Variants in MALRD1 observed in about 807,000 individuals in gnomAD.
MALRD1 encodes the protein MAM and LDL-receptor class A domain-containing protein 1.
In MALRD1, 247 loss-of-function variants were observed where a neutral mutation model predicts 242.1. That is an observed-to-expected ratio of 1.02 (90% CI 0.92 to 1.13). MALRD1 has a LOEUF of 1.13. Among genes scored for constraint, MALRD1 ranks in the 50% most tolerant of loss-of-function variants. MALRD1 has a pLI of 0.00. For synonymous variants in MALRD1, 995 were observed against 866.6 expected (o/e 1.15, Z -2.60); for missense variants, 2,989 against 2,533.1 (o/e 1.18, Z -3.86).
In MALRD1 at chr10:19,312,364, G is replaced by T. The variant is rs112518046; in HGVS notation, c.3420-11585G>T. Among the ~76,000 whole-genome samples, 688 of 142,978 alleles carry T rather than the reference G, an allele frequency of 4.8e-3. 1 individual carries two copies. The highest frequency in any genetic ancestry group is 0.017 in the African/African-American group (655 of 37,912). 93.8% of individuals were successfully genotyped at this position (142,978 alleles called of 152,430 possible). ...TAATTAACCTCTGGTTCAGTACAGG[G>T]CACAGAGGAATGTGTATATATATAT... On this transcript the variant is annotated intron_variant, in intron 21 of 39. Coordinates refer to ENST00000454679, the MANE Select transcript of MALRD1 (RefSeq NM_001142308.3).
At chr10:19,239,556 T>C (rs1031093693) in intron 18 of MALRD1, among the ~76,000 whole-genome samples, 1 of 152,172 alleles carries the variant, frequency 6.6e-6, no homozygotes, top group African/African-American at 2.4e-5. Flanking sequence ...ACGTCTCATT[T>C]AAAAAATTCT....
At chr10:19,221,246 C>T (rs1309589222) in intron 18 of MALRD1, among the ~76,000 whole-genome samples, 7 of 151,858 alleles carry the variant, frequency 4.6e-5, no homozygotes, top group East Asian at 1.9e-4. Context: ...TTGTAAATAT[C>T]GTAGGACTAT....
chr10:19,458,984 C>G (rs1835803854), intron 29 of MALRD1, among the ~76,000 whole-genome samples: 1 of 152,002 alleles, frequency 6.6e-6, no homozygotes, highest in Non-Finnish European at 1.5e-5. Flanking sequence ...TCCTAACACA[C>G]AGTGCAATCT....
chr10:19,264,947 T>C (rs1839913877), intron 19 of MALRD1, among the ~76,000 whole-genome samples: 1 of 152,190 alleles, frequency 6.6e-6, no homozygotes, highest in Non-Finnish European at 1.5e-5. Context: ...TCTGTTTAGA[T>C]TTTTTTATTT....
At chr10:19,433,361 G>T (rs1834223049) in intron 28 of MALRD1, among the ~76,000 whole-genome samples, 3 of 152,158 alleles carry the variant, frequency 2.0e-5, no homozygotes, top group African/African-American at 7.2e-5. Flanking sequence ...AGATGGGAGG[G>T]ATCTTGGGTA....
At chr10:19,686,759 G>A (rs1842601063) in intron 36 of MALRD1, among the ~76,000 whole-genome samples, 2 of 152,184 alleles carry the variant, frequency 1.3e-5, no homozygotes, top group Non-Finnish European at 2.9e-5. Context: ...TATACAATTT[G>A]TGGAGGGTAG....
intron 5 of MALRD1, among the ~76,000 whole-genome samples, chr10:19,121,186 G>A (rs192586143): frequency 1.8e-4 from 27 of 151,442 alleles, no homozygotes; most frequent in Non-Finnish European, 2.4e-4. Flanking sequence ...GATTACAGGC[G>A]TGTGCCACCA....
chr10:19,427,493 T>G (rs192904702), intron 28 of MALRD1, among the ~76,000 whole-genome samples: 2 of 152,320 alleles, frequency 1.3e-5, no homozygotes, highest in East Asian at 3.9e-4. Flanking sequence ...AACACTGGCT[T>G]AAACCATGTC....
chr10:19,256,498 A>G (rs1424829788), intron 18 of MALRD1, among the ~76,000 whole-genome samples: 1 of 151,918 alleles, frequency 6.6e-6, no homozygotes, highest in East Asian at 1.9e-4. Flanking sequence ...GTTTGGAGAG[A>G]CTCATTGTAA....
intron 28 of MALRD1, among the ~76,000 whole-genome samples, chr10:19,448,831 T>G (rs1835149409): frequency 1.3e-5 from 2 of 151,888 alleles, no homozygotes; most frequent in Non-Finnish European, 2.9e-5. Context: ...AATAATATGA[T>G]TATATAATAA....
intron 32 of MALRD1, among the ~76,000 whole-genome samples, chr10:19,538,913 A>G (rs1035095731): frequency 3.9e-5 from 6 of 152,126 alleles, no homozygotes; most frequent in African/African-American, 9.7e-5. Context: ...AATGGTCTCT[A>G]TCTTAGATTT....
At position 19,123,518 on chromosome 10, in the gene MALRD1, T is replaced by G; in HGVS notation, c.721T>G (p.Leu241Val). 1 of 1,233,768 alleles carries G rather than the reference T, an allele frequency of 8.1e-7. No homozygotes were observed. Among genetic ancestry groups the G allele is most frequent in the Non-Finnish European group, 1.0e-6 (1 of 988,008 alleles). The allele number at this position is 1,233,768 out of a possible 1,614,324, so 76.4% of individuals were successfully genotyped here. ...NDGILLCQEA[L>V]NAERELCHPD... is the part of the protein sequence containing the mutation. ...TGGAATTTTACTGTGTCAAGAAGCA[T>G]TGAATGCTGAGCGGGAGCTATGCCA... The change falls in exon 6 of 40, where the codon TTG (leucine) becomes GTG (valine). Residue 241 changes from leucine (L) to valine (V), a missense_variant. Physicochemically the swap from Leu to Val is conservative, Grantham distance 32. Coordinates refer to ENST00000454679, the MANE Select transcript of MALRD1 (RefSeq NM_001142308.3).
chr10:19,133,482 A>C (rs1005010058), intron 8 of MALRD1, among the ~76,000 whole-genome samples: 1 of 152,156 alleles, frequency 6.6e-6, no homozygotes, highest in Non-Finnish European at 1.5e-5. Context: ...TTTCTTTTCT[A>C]GTATCATGGC....
intron 26 of MALRD1, among the ~76,000 whole-genome samples, chr10:19,370,227 C>T (rs538079879): frequency 3.0e-4 from 46 of 152,130 alleles, no homozygotes; most frequent in Non-Finnish European, 5.9e-4. Context: ...ATTTTACTAC[C>T]GATTTTGTGA....
intron 31 of MALRD1, among the ~76,000 whole-genome samples, chr10:19,519,183 T>G (rs1449721177): frequency 6.8e-6 from 1 of 146,622 alleles, no homozygotes; most frequent in Non-Finnish European, 1.5e-5. Context: ...TTTCTTTCAT[T>G]GTCAAAATTT....
At chr10:19,450,518 G>T in intron 29 of MALRD1, 28 bp downstream of exon 29, 2 of 1,526,276 alleles carry the variant, frequency 1.3e-6, no homozygotes, top group Non-Finnish European at 1.8e-6. Flanking sequence ...ACTTCCATTT[G>T]GAAGCACATT....
At chr10:19,325,006 C>CTTTTTTTTTTTTTTTTTTTTTTTT (rs34290618) in intron 22 of MALRD1, among the ~76,000 whole-genome samples, 3 of 77,950 alleles carry the variant, frequency 3.8e-5, no homozygotes, top group African/African-American at 5.2e-5. Context: ...TCAGTAGTTG[C>CTTTTTTTTTTTTTTTTTTTTTTTT]TTTTTTTTTT....
At chr10:19,605,488 T>C (rs1838569361) in intron 34 of MALRD1, among the ~76,000 whole-genome samples, 2 of 145,956 alleles carry the variant, frequency 1.4e-5, no homozygotes, top group Admixed American at 6.8e-5. Flanking sequence ...TTTCTTTCTT[T>C]TTTTTTTTTT....
At position 19,683,132 on chromosome 10, in the gene MALRD1, CG is replaced by C. The variant is rs200999471; in HGVS notation, c.6138-9148del. ...CAATATGGGGAAACCCCATCTCTAC[CG>C]GAAAAAAAAAAAGAAAGAAGTTTTC... On this transcript the variant is annotated intron_variant, in intron 36 of 39. Transcript: ENST00000454679. 1.3e-3 allele frequency among the ~76,000 whole-genome samples: 138 copies of C among 106,096 alleles called. 1 individual carries two copies. The highest frequency in any genetic ancestry group is 3.8e-3 in the East Asian group (13 of 3,460). The allele number at this position is 106,096 out of a possible 152,430, so 69.6% of individuals were successfully genotyped here.
Sources: allele counts gnomAD v4.1 joint callset (sites outside exome capture counted in the v4.1 genomes callset), GRCh38; gene constraint gnomAD v4.1.1; transcripts MANE v1.5; gene names NCBI Gene and HGNC (gene_info 2026-07-23, HGNC 2026-07-21).